Variants in LMNTD1 observed in about 807,000 individuals in gnomAD.
LMNTD1 encodes lamin tail domain containing 1, also known as lamin tail domain-containing protein 1.
A neutral mutation model predicts 50.9 loss-of-function variants in LMNTD1; 35 were observed. That is an observed-to-expected ratio of 0.69 (90% CI 0.53 to 0.91). The LOEUF is 0.91. Among genes scored for constraint, LMNTD1 ranks in the 40% least tolerant of loss-of-function variants. The pLI is 0.00. For synonymous variants in LMNTD1, 153 were observed against 161.9 expected, an observed-to-expected ratio of 0.94 and a Z score of 0.42; for missense variants, 470 against 475.5, an observed-to-expected ratio of 0.99 and a Z score of 0.11.
intron 1 of LMNTD1, among the ~76,000 whole-genome samples, chr12:25,595,306 C>T (rs925108997): frequency 6.6e-6 from 1 of 152,074 alleles, no homozygotes; most frequent in Non-Finnish European, 1.5e-5. Flanking sequence ...GAAACTTTCT[C>T]CAAGATAGAC....
chr12:25,580,023 A>G (rs1288306664), intron 1 of LMNTD1, among the ~76,000 whole-genome samples: 2 of 152,104 alleles, frequency 1.3e-5, no homozygotes, highest in Non-Finnish European at 2.9e-5. Flanking sequence ...CCTAAGACAA[A>G]TTTCATTATC....
chr12:25,599,502 A>G (rs1382129318), intron 1 of LMNTD1, among the ~76,000 whole-genome samples: 2 of 152,088 alleles, frequency 1.3e-5, no homozygotes, highest in African/African-American at 4.8e-5. Context: ...GAAAGGAAGA[A>G]GTCAAATTAT....
In LMNTD1 at chr12:25,647,301, T is replaced by C. The variant is rs1051701514; in HGVS notation, c.58+1193A>G. 9.9e-5 allele frequency among the ~76,000 whole-genome samples: 15 copies of C among 152,240 alleles called. No individual in the cohort carries two copies. In the South Asian group the frequency reaches 1.0e-3, roughly 11 times the overall value. On this transcript the variant is annotated intron_variant, in intron 1 of 7. Coordinates refer to the LMNTD1 transcript ENST00000445693. ...GAGTTCAAGATCAGCCTGGTCAACATGGCAAAACCTATCTCTACCAAAAAT... is the reference window on the plus strand; with the variant it reads ...GAGTTCAAGATCAGCCTGGTCAACACGGCAAAACCTATCTCTACCAAAAAT...
upstream of LMNTD1, among the ~76,000 whole-genome samples, chr12:25,553,446 A>G (rs914798764): frequency 2.0e-5 from 3 of 152,184 alleles, no homozygotes; most frequent in Non-Finnish European, 2.9e-5. Flanking sequence ...CATATCTTCC[A>G]CTAGACTTTG....
At chr12:25,647,954 ATTCCTTCCTTCT>A (rs1050808072) in intron 1 of LMNTD1, among the ~76,000 whole-genome samples, 9 of 152,030 alleles carry the variant, frequency 5.9e-5, no homozygotes, top group Admixed American at 4.6e-4. Flanking sequence ...TCCTTCCTTC[ATTCCTTCCTTCT>A]TTCCTTCCTT....
chr12:25,563,579 C>T (rs1291568526), intron 1 of LMNTD1, among the ~76,000 whole-genome samples: 4 of 152,200 alleles, frequency 2.6e-5, no homozygotes, highest in Non-Finnish European at 5.9e-5. Context: ...CCCAGTTACG[C>T]TACTCAGGGG....
At chr12:25,555,410 A>G (rs1944000238), upstream of LMNTD1, among the ~76,000 whole-genome samples, 1 of 152,234 alleles carries the variant, frequency 6.6e-6, no homozygotes, top group African/African-American at 2.4e-5. Context: ...AGGAAACAGA[A>G]GAGCACATTA....
At chr12:25,477,320 A>C (rs1445757639) in intron 9 of LMNTD1, among the ~76,000 whole-genome samples, 1 of 152,152 alleles carries the variant, frequency 6.6e-6, no homozygotes, top group Non-Finnish European at 1.5e-5. Flanking sequence ...AAGGCGACAG[A>C]GAGAGGGAGA....
intron 1 of LMNTD1, among the ~76,000 whole-genome samples, chr12:25,576,473 G>C (rs1945024334): frequency 1.3e-5 from 2 of 152,144 alleles, no homozygotes; most frequent in South Asian, 4.1e-4. Context: ...GTGTCTGTTG[G>C]CTGCATAAAT....
intron 1 of LMNTD1, among the ~76,000 whole-genome samples, chr12:25,589,631 A>G (rs1945637969): frequency 6.6e-6 from 1 of 152,190 alleles, no homozygotes; most frequent in Non-Finnish European, 1.5e-5. Flanking sequence ...TTCATTTTAT[A>G]CTTTTTACAT....
At chr12:25,581,746 G>T (rs1176418474) in intron 1 of LMNTD1, among the ~76,000 whole-genome samples, 2 of 152,154 alleles carry the variant, frequency 1.3e-5, no homozygotes, top group African/African-American at 4.8e-5. Flanking sequence ...AAACCTAGAT[G>T]GTATGGCCTA....
chr12:25,608,504 A>G (rs1427442787), intron 1 of LMNTD1, among the ~76,000 whole-genome samples: 1 of 152,212 alleles, frequency 6.6e-6, no homozygotes, highest in Admixed American at 6.5e-5. Flanking sequence ...TGCTCCCTTC[A>G]GGAGCTCTTG....
intron 1 of LMNTD1, among the ~76,000 whole-genome samples, chr12:25,644,953 A>G (rs1947035327): frequency 6.6e-6 from 1 of 152,232 alleles, no homozygotes; most frequent in South Asian, 2.1e-4. Flanking sequence ...AGTCTAAGTC[A>G]TCAGCTATGA....
At chr12:25,489,349 G>C (rs561118737) in intron 9 of LMNTD1, among the ~76,000 whole-genome samples, 1 of 151,344 alleles carries the variant, frequency 6.6e-6, no homozygotes, top group East Asian at 1.9e-4. Context: ...TTTTTAAGCC[G>C]GTCTGAAAAG....
intron 1 of LMNTD1, among the ~76,000 whole-genome samples, chr12:25,617,628 A>C (rs1037762444): frequency 2.0e-5 from 3 of 152,210 alleles, no homozygotes; most frequent in African/African-American, 7.2e-5. Flanking sequence ...AAAACATTTG[A>C]AACAGTAAGA....
chr12:25,627,715 C>A (rs1946621993), intron 1 of LMNTD1, among the ~76,000 whole-genome samples: 1 of 152,186 alleles, frequency 6.6e-6, no homozygotes, highest in African/African-American at 2.4e-5. Context: ...TATTCCACAA[C>A]ACATGTGGTA....
chr12:25,627,621 T>G (rs538302101), intron 1 of LMNTD1, among the ~76,000 whole-genome samples: 1 of 151,118 alleles, frequency 6.6e-6, no homozygotes, highest in South Asian at 2.1e-4. Flanking sequence ...TTTTCCAGGT[T>G]CCTTCTGAAC....
chr12:25,539,790 G>A (rs756845541), intron 4 of LMNTD1, among the ~76,000 whole-genome samples: 3,441 of 130,166 alleles, frequency 0.026, 80 homozygotes, highest in Non-Finnish European at 0.041. Context: ...CCAGGAGCTG[G>A]TTTTTTGAAA....
chr12:25,568,065 G>A (rs752649794), intron 1 of LMNTD1, among the ~76,000 whole-genome samples: 1 of 152,174 alleles, frequency 6.6e-6, no homozygotes, highest in Admixed American at 6.5e-5. Flanking sequence ...TTAAATGGTT[G>A]TGACCAAAAT....
Sources: gnomAD v4.1 joint callset for allele counts (sites outside exome capture counted in the v4.1 genomes callset) on GRCh38, gnomAD v4.1.1 for gene constraint, MANE v1.5 for transcripts, NCBI Gene and HGNC (gene_info 2026-07-23, HGNC 2026-07-21) for gene names.